The following OIT3 variants were observed in gnomAD, a reference collection of about 807,000 sequenced individuals.
The protein encoded by OIT3 is oncoprotein-induced transcript 3 protein.
A neutral mutation model predicts 52.2 loss-of-function variants in OIT3; 41 were observed. The observed-to-expected ratio is 0.79, with a 90% CI of 0.61 to 1.02. The LOEUF is 1.02. Among genes scored for constraint, OIT3 ranks in the 50% least tolerant of loss-of-function variants. The pLI is 0.00. For missense variants in OIT3, 634 were observed against 715.5 expected (o/e 0.89, Z 1.30); for synonymous variants, 244 against 276.9 (o/e 0.88, Z 1.18).
In OIT3 at chr10:72,911,793, A is replaced by G. The variant is rs1198487215; in HGVS notation, c.744A>G (p.Glu248=). The G allele has an allele frequency of 3.1e-6, 5 of 1,613,816 alleles. No individual in the cohort carries two copies. The East Asian group carries it at 8.9e-5, about 29-fold the overall frequency. ...GATCTGAGAAAGGCTACCAGTGTGA[A>G]TGTCCCCGGGGCCTGGTGCTGTCTG... The part of the protein sequence containing the change: ...CLGSEKGYQC[E]CPRGLVLSED... The change falls in exon 5 of 9, where the codon GAA becomes GAG. Residue 248 remains glutamate (E), a synonymous_variant. Coordinates refer to ENST00000334011, the MANE Select transcript of OIT3 (RefSeq NM_152635.3).
At chr10:72,914,011 T>A (rs945508644) in intron 6 of OIT3, among the ~76,000 whole-genome samples, 1 of 152,180 alleles carries the variant, frequency 6.6e-6, no homozygotes, top group African/African-American at 2.4e-5. Context: ...GCGAGACAGA[T>A]GACAGGTCCT....
chr10:72,921,866 T>C (rs942953462), intron 6 of OIT3, among the ~76,000 whole-genome samples: 2 of 151,848 alleles, frequency 1.3e-5, no homozygotes, highest in African/African-American at 4.8e-5. Flanking sequence ...GAGACGGGGT[T>C]TCATCATGTT....
chr10:72,920,187 A>G (rs991845404), intron 6 of OIT3, among the ~76,000 whole-genome samples: 1 of 151,960 alleles, frequency 6.6e-6, no homozygotes, highest in Non-Finnish European at 1.5e-5. Flanking sequence ...GAATTTATCC[A>G]TTTCTTCTAG....
At chr10:72,925,646 T>C (rs748715357) in intron 7 of OIT3, among the ~76,000 whole-genome samples, 2 of 152,202 alleles carry the variant, frequency 1.3e-5, no homozygotes, top group Non-Finnish European at 2.9e-5. Flanking sequence ...AGGGTCTTGC[T>C]CTGTCACCCA....
At chr10:72,906,509 T>C (rs1373265385) in intron 3 of OIT3, 87 bp from the exon 4 acceptor site, 3 of 1,490,534 alleles carry the variant, frequency 2.0e-6, no homozygotes, top group Non-Finnish European at 2.8e-6. Flanking sequence ...CAACAGGATC[T>C]GAAAAGATGT....
intron 2 of OIT3, among the ~76,000 whole-genome samples, chr10:72,899,362 T>G (rs549382160): frequency 1.8e-4 from 27 of 152,194 alleles, no homozygotes; most frequent in Non-Finnish European, 3.1e-4. Flanking sequence ...TTTGGGAGGC[T>G]GAGGCAGGTG....
At chr10:72,896,975 G>A (rs1484824595) in intron 1 of OIT3, among the ~76,000 whole-genome samples, 2 of 152,152 alleles carry the variant, frequency 1.3e-5, no homozygotes, top group African/African-American at 4.8e-5. Flanking sequence ...GAATATTGGA[G>A]ATATTGGTTC....
intron 6 of OIT3, among the ~76,000 whole-genome samples, chr10:72,913,842 A>G (rs897322254): frequency 2.6e-5 from 4 of 152,216 alleles, no homozygotes; most frequent in African/African-American, 9.6e-5. Flanking sequence ...AATGAGTTCA[A>G]GTATTGAACC....
intron 6 of OIT3, among the ~76,000 whole-genome samples, chr10:72,915,459 T>C (rs1394887180): frequency 6.6e-6 from 1 of 152,212 alleles, no homozygotes; most frequent in Non-Finnish European, 1.5e-5. Context: ...CCTGTAATCC[T>C]CTGGTTGCAA....
At chr10:72,929,380 C>T (rs972680263) in intron 7 of OIT3, among the ~76,000 whole-genome samples, 1 of 151,682 alleles carries the variant, frequency 6.6e-6, no homozygotes, top group South Asian at 2.1e-4. Context: ...AAAAGTTCCT[C>T]TAGAATCTAG....
intron 1 of OIT3, among the ~76,000 whole-genome samples, chr10:72,896,441 A>G (rs1481396756): frequency 6.6e-6 from 1 of 152,230 alleles, no homozygotes; most frequent in African/African-American, 2.4e-5. Flanking sequence ...ATTATGGTCT[A>G]GGGTTCAGCC....
chr10:72,932,542 A>G lies in OIT3; in HGVS notation c.*18A>G. ...AGGACTAGTTCGTAGCCATACCTCG[A>G]GTCCCTGCATTGGACGGCTCTGCTC... On this transcript the variant is annotated 3_prime_UTR_variant, in exon 9 of 9. Coordinates refer to ENST00000334011, the MANE Select transcript of OIT3 (RefSeq NM_152635.3). 2 of 1,577,800 alleles carry G rather than the reference A, an allele frequency of 1.3e-6. No individual in the cohort carries two copies. The highest frequency in any genetic ancestry group is 1.7e-6 in the Non-Finnish European group (2 of 1,161,904).
chr10:72,923,849 A>G (rs756157914), intron 6 of OIT3, among the ~76,000 whole-genome samples: 6 of 152,188 alleles, frequency 3.9e-5, no homozygotes, highest in Admixed American at 6.5e-5. Context: ...TGTCCAAACA[A>G]CTGTCCAAAC....
In OIT3 at chr10:72,893,829, T is replaced by C; in HGVS notation, c.31T>C (p.Phe11Leu). The change falls in exon 1 of 9, where the codon TTC becomes CTC. Residue 11 changes from phenylalanine to leucine, a missense_variant. Phe to Leu is a conservative substitution (Grantham distance 22, BLOSUM62 0). Transcript: ENST00000334011. ...TCCATTCCTGCTTCTCACCTGCCTC[T>C]TCATCACAGGCACCTCCGTGTCACC... MPPFLLLTCL[F>L]ITGTSVSPVA... The C allele has an allele frequency of 6.2e-7, 1 of 1,610,724 alleles. No individual in the cohort carries two copies. Among genetic ancestry groups the C allele is most frequent in the South Asian group, 1.1e-5 (1 of 90,144 alleles).
intron 6 of OIT3, among the ~76,000 whole-genome samples, chr10:72,914,721 A>C (rs1846059271): frequency 6.6e-6 from 1 of 152,196 alleles, no homozygotes; most frequent in Admixed American, 6.5e-5. Context: ...ACCAGGTCTA[A>C]AACTCCTGAA....
intron 6 of OIT3, among the ~76,000 whole-genome samples, chr10:72,921,439 C>T (rs1390051652): frequency 3.3e-5 from 5 of 151,930 alleles, no homozygotes; most frequent in African/African-American, 7.2e-5. Context: ...AGTATTGTTA[C>T]GTGTGGATTT....
intron 6 of OIT3, among the ~76,000 whole-genome samples, chr10:72,913,930 A>T (rs1589525853): frequency 6.6e-6 from 1 of 152,244 alleles, no homozygotes; most frequent in Admixed American, 6.5e-5. Flanking sequence ...AATGTATGAA[A>T]TCCTGCCTTT....
intron 1 of OIT3, among the ~76,000 whole-genome samples, chr10:72,895,989 G>A (rs1242425453): frequency 6.6e-6 from 1 of 152,108 alleles, no homozygotes; most frequent in African/African-American, 2.4e-5. Flanking sequence ...AGAGTGGGAT[G>A]GGTACGTTAA....
Position 72,930,664 on chromosome 10 carries a change from C to A in OIT3, c.1467+27C>A, listed in dbSNP as rs758686944. The A allele has an allele frequency of 3.0e-6, 4 of 1,316,636 alleles. No individual in the cohort carries two copies. The South Asian group carries it at 3.8e-5, about 13-fold the overall frequency. The allele number at this position is 1,316,636 out of a possible 1,614,324, so 81.6% of individuals were successfully genotyped here. On this transcript the variant is annotated intron_variant, in intron 8 of 8. Coordinates refer to ENST00000334011, the MANE Select transcript of OIT3 (RefSeq NM_152635.3). ...TGAGTTGAACATCTTTAATTTATAACCCCTGAACCTGAGCCTTTTTTTTTT... is the reference window on the plus strand; with the variant it reads ...TGAGTTGAACATCTTTAATTTATAAACCCTGAACCTGAGCCTTTTTTTTTT...
Sources: allele counts gnomAD v4.1 joint callset (sites outside exome capture counted in the v4.1 genomes callset), GRCh38; gene constraint gnomAD v4.1.1; transcripts MANE v1.5; gene names NCBI Gene and HGNC (gene_info 2026-07-23, HGNC 2026-07-21).